The following MIGA2 variants were observed in gnomAD, a reference collection of about 807,000 sequenced individuals.
MIGA2 encodes the protein family with sequence similarity 73, member B.
A neutral mutation model predicts 69.9 loss-of-function variants in MIGA2; 36 were observed. The observed-to-expected ratio is 0.52, with a 90% CI of 0.39 to 0.68. The LOEUF is 0.68. Among genes scored for constraint, MIGA2 ranks in the 30% least tolerant of loss-of-function variants. The probability of loss-of-function intolerance (pLI) is 0.00; values close to 1 mark genes in which losing one functional copy is unlikely to be tolerated. For synonymous variants in MIGA2, 333 were observed against 349.2 expected (o/e 0.95, Z 0.52); for missense variants, 660 against 787.7 (o/e 0.84, Z 1.94).
intron 3 of MIGA2, among the ~76,000 whole-genome samples, chr9:129,044,043 G>C (rs1403533207): frequency 6.7e-6 from 1 of 149,534 alleles, no homozygotes; most frequent in Non-Finnish European, 1.5e-5. Flanking sequence ...TCCCAGGCTG[G>C]AGTGCGGTGG....
chr9:129,042,431 T>C lies in MIGA2; in HGVS notation c.224T>C (p.Val75Ala). ...AGGCGACGGAGGAGGAAGAAGCAGG[T>C]TGGTCCCGAGATGGGAGGGGAGCAG... ...LKRRRRRKKQ[V>A]GPEMGGEQLG... Residue 75 changes from valine (V) to alanine (A), a missense_variant, in exon 3 of 16, where the codon GTT becomes GCT. Physicochemically the swap from Val to Ala is moderately conservative, Grantham distance 64. Coordinates refer to ENST00000684074, the MANE Select transcript of MIGA2 (RefSeq NM_001329990.2). The C allele has an allele frequency of 6.2e-7, 1 of 1,612,834 alleles. No individual in the cohort carries two copies.
intron 3 of MIGA2, 62 bp from the exon 4 acceptor site, chr9:129,048,365 G>C: frequency 7.5e-7 from 1 of 1,337,662 alleles, no homozygotes; most frequent in Non-Finnish European, 1.1e-6. Flanking sequence ...CCAGAGTGGG[G>C]GCAGCCCGTG....
rs1846030774 is a variant in MIGA2 at position 129,060,798 on chromosome 9, T to C, written c.894+148T>C. The C allele has an allele frequency of 2.1e-6, 1 of 486,378 alleles. No individual in the cohort carries two copies. Among genetic ancestry groups the C allele is most frequent in the Non-Finnish European group, 3.6e-6 (1 of 277,794 alleles). 30.1% of individuals were successfully genotyped at this position (486,378 alleles called of 1,614,324 possible). A position where few individuals can be genotyped will look rare whatever the true frequency, so the allele number is the denominator to read the frequency against. The stretch of plus-strand genomic sequence containing the variant: ...GCTCCCACGGGCCTCCTCGAAGCTG[T>C]TGGGGATGGGGGGTGCTGAGAAATC... On this transcript the variant is annotated intron_variant, in intron 8 of 15. Coordinates refer to ENST00000684074, the MANE Select transcript of MIGA2 (RefSeq NM_001329990.2). The surrounding 1 kb of genome is among the most constrained non-coding windows in gnomAD (Gnocchi z 4.8).
At chr9:129,064,668 C>T (rs1846246795) in intron 11 of MIGA2, among the ~76,000 whole-genome samples, 1 of 152,130 alleles carries the variant, frequency 6.6e-6, no homozygotes, top group African/African-American at 2.4e-5. Context: ...TGGTTTGCTG[C>T]CCTGTGAGCT....
At chr9:129,045,463 A>AAAAAGC (rs1554839073) in intron 3 of MIGA2, among the ~76,000 whole-genome samples, 35 of 144,958 alleles carry the variant, frequency 2.4e-4, no homozygotes, top group African/African-American at 7.0e-4. Flanking sequence ...AAAAAAAAAA[A>AAAAAGC]AAAAGCAAAA....
chr9:129,065,824 A>C (rs1214820864), intron 11 of MIGA2, among the ~76,000 whole-genome samples: 1 of 151,776 alleles, frequency 6.6e-6, no homozygotes, highest in East Asian at 1.9e-4. Context: ...GGAGGTCATC[A>C]CCTGACTCAT....
chr9:129,050,237 T>C (rs368759628), intron 6 of MIGA2, among the ~76,000 whole-genome samples: 2 of 152,294 alleles, frequency 1.3e-5, no homozygotes, highest in East Asian at 3.9e-4. Context: ...AAGGCGCCTC[T>C]GTTGAGGGTT....
At position 129,064,899 on chromosome 9, in the gene MIGA2, C is replaced by T. The variant is rs376629749; in HGVS notation, c.1170+1268C>T. On this transcript the variant is annotated intron_variant, in intron 11 of 15. Coordinates refer to ENST00000684074, the MANE Select transcript of MIGA2 (RefSeq NM_001329990.2). ...CCGGGTTCAAGCAATCCTCCCACCT[C>T]AACCTCCTGAGTAGCTGGGATTACA... Among the ~76,000 whole-genome samples the T allele has an allele frequency of 3.0e-4, 46 of 151,964 alleles. 1 individual carries two copies. Among genetic ancestry groups the T allele is most frequent in the African/African-American group, 1.1e-3 (45 of 41,442 alleles).
intron 2 of MIGA2, among the ~76,000 whole-genome samples, chr9:129,041,605 G>A (rs1309396788): frequency 6.6e-6 from 1 of 152,216 alleles, no homozygotes; most frequent in East Asian, 1.9e-4. Flanking sequence ...AAAGTGCTGG[G>A]TTTATAGGCA....
chr9:129,070,047 G>C, intron 15 of MIGA2, 82 bp downstream of exon 15: 1 of 1,256,418 alleles, frequency 8.0e-7, no homozygotes, highest in Non-Finnish European at 1.1e-6. Context: ...ATGGGATGAG[G>C]GCCTGGGCCT....
rs1438059638 is a variant in MIGA2, at chr9:129,049,904, ACCCCCATGC to A, written c.619_627del (p.Pro207_Pro209del). The A allele has an allele frequency of 1.1e-5, 17 of 1,613,668 alleles. No individual in the cohort carries two copies. Among genetic ancestry groups the A allele is most frequent in the Non-Finnish European group, 1.4e-5 (16 of 1,179,992 alleles). ...GGGCCAGCGGGGGGACAGCGGCAGCACCCCCATGCCCAGGGACGGCCTCCGGAACCCAGA... is the reference window on the plus strand; with the variant it reads ...GGGCCAGCGGGGGGACAGCGGCAGCACCAGGGACGGCCTCCGGAACCCAGA... On this transcript the variant is annotated inframe_deletion, in exon 6 of 16. Coordinates refer to ENST00000684074, the MANE Select transcript of MIGA2 (RefSeq NM_001329990.2).
At position 129,061,365 on chromosome 9, in the gene MIGA2, AGG is replaced by A; in HGVS notation, c.1010+21_1010+22del. The A allele has an allele frequency of 1.8e-6, 1 of 568,542 alleles. No individual in the cohort carries two copies. Among genetic ancestry groups the A allele is most frequent in the Non-Finnish European group, 3.4e-6 (1 of 294,742 alleles). 35.2% of individuals were successfully genotyped at this position (568,542 alleles called of 1,614,324 possible). On this transcript the variant is annotated intron_variant, in intron 9 of 15. Transcript: ENST00000684074. The surrounding 1 kb of genome is among the most constrained non-coding windows in gnomAD (Gnocchi z 5.0). ...CCCTCAGGTGAGCAGGTGTGGAGGG[AGG>A]GAGGGAGGGAGCAGGAGGCGATGGG...
rs754059326 is a variant in MIGA2 at position 129,040,604 on chromosome 9, C to T, written c.10C>T (p.Arg4Trp). ...GGGCATTGGCCCTGCCATGGCGTTC[C>T]GGAGGGCCGAGGGCACGTCTATGAT... MAF[R>W]RAEGTSMIQA... Residue 4 changes from arginine to tryptophan, a missense_variant, in exon 2 of 16, where the codon CGG becomes TGG. Around this residue, in one of 3 missense-constraint regions of MIGA2, gnomAD observed 54 missense variants for 84.0 expected, o/e 0.64. Coordinates refer to ENST00000684074, the MANE Select transcript of MIGA2 (RefSeq NM_001329990.2). 3.1e-5 allele frequency: 50 copies of T among 1,612,092 alleles called. No individual in the cohort carries two copies. In the East Asian group the frequency reaches 6.7e-4, roughly 22 times the overall value.
At chr9:129,048,595 GGACTCTGCCCTCAGCAAGCTTATA>G in intron 4 of MIGA2, 56 bp downstream of exon 4, 1 of 1,397,532 alleles carries the variant, frequency 7.2e-7, no homozygotes, top group Non-Finnish European at 1.0e-6. Flanking sequence ...CCCCTGCTGA[GGACTCTGCCCTCAGCAAGCTTATA>G]GACTGGTAGA....
At position 129,070,458 on chromosome 9, in the gene MIGA2, G is replaced by C; in HGVS notation, c.*5G>C. 1 of 1,550,096 alleles carries C rather than the reference G, an allele frequency of 6.5e-7. No individual in the cohort carries two copies. Among genetic ancestry groups the C allele is most frequent in the Non-Finnish European group, 8.7e-7 (1 of 1,145,486 alleles). On this transcript the variant is annotated 3_prime_UTR_variant, in exon 16 of 16. Coordinates refer to ENST00000684074, the MANE Select transcript of MIGA2 (RefSeq NM_001329990.2). ...CCCCTGGGGGAGCTGCAGTAGAGGC[G>C]GCACGGGCTGGGGGGTGGCAGAGAG...
At position 129,070,424 on chromosome 9, in the gene MIGA2, G is replaced by A; in HGVS notation, c.1753G>A (p.Glu585Lys). The change falls in exon 16 of 16, where the codon GAG becomes AAG. Residue 585 changes from glutamate to lysine, a missense_variant. Coordinates refer to ENST00000684074, the MANE Select transcript of MIGA2 (RefSeq NM_001329990.2). The part of the protein sequence containing the change: ...SAGVNGALPR[E>K]NGPLGELQ ...AGGCGTGAATGGGGCGCTGCCCCGA[G>A]AGAATGGGCCCCTGGGGGAGCTGCA... The A allele has an allele frequency of 6.2e-7, 1 of 1,600,714 alleles. No homozygotes were observed. Among genetic ancestry groups the A allele is most frequent in the Non-Finnish European group, 8.5e-7 (1 of 1,172,112 alleles).
rs954603209 is a variant in MIGA2, at chr9:129,070,538, C to G, written c.*85C>G. 7.2e-7 allele frequency: 1 copy of G among 1,394,014 alleles called. No homozygotes were observed. Among genetic ancestry groups the G allele is most frequent in the South Asian group, 1.5e-5 (1 of 68,810 alleles). 86.4% of individuals were successfully genotyped at this position (1,394,014 alleles called of 1,614,324 possible). A position where few individuals can be genotyped will look rare whatever the true frequency, so the allele number is the denominator to read the frequency against. ...ATCTGACAGCTGTGGTGGCTGAGGG[C>G]CGTTGCCCCTGACTTTGCCCCACCC... On this transcript the variant is annotated 3_prime_UTR_variant, in exon 16 of 16. Transcript: ENST00000684074.
chr9:129,038,561 C>T (rs1844718959), intron 1 of MIGA2, among the ~76,000 whole-genome samples: 1 of 152,116 alleles, frequency 6.6e-6, no homozygotes, highest in Admixed American at 6.6e-5. Context: ...CAGGGGAAAG[C>T]TGCCCAGTAC....
In MIGA2 at chr9:129,069,350, G is replaced by A; in HGVS notation, c.1458+221G>A. The A allele has an allele frequency of 1.6e-6, 1 of 608,168 alleles. No individual in the cohort carries two copies. Among genetic ancestry groups the A allele is most frequent in the Non-Finnish European group, 2.9e-6 (1 of 343,492 alleles). The allele number at this position is 608,168 out of a possible 1,614,324, so 37.7% of individuals were successfully genotyped here. On this transcript the variant is annotated intron_variant, in intron 14 of 15. Transcript: ENST00000684074. The surrounding 1 kb of genome is among the most constrained non-coding windows in gnomAD (Gnocchi z 4.9). ...CAGGCCCAGCACAGAGCAGGCCACT[G>A]GGGAGGGGAACGGATACCCTAGGGT...
Sources: allele counts gnomAD v4.1 joint callset (sites outside exome capture counted in the v4.1 genomes callset), GRCh38; gene constraint gnomAD v4.1.1; regional missense constraint gnomAD v4.1.1; non-coding constraint Gnocchi (gnomAD v3.1); transcripts MANE v1.5; gene names NCBI Gene and HGNC (gene_info 2026-07-23, HGNC 2026-07-21).